The following CALN1 variants were observed in gnomAD, a reference collection of about 807,000 sequenced individuals.
The protein encoded by CALN1 is calcium-binding protein 8.
Under a neutral mutation model 30.6 loss-of-function variants are expected in CALN1, and 17 were observed. The observed-to-expected ratio is 0.56, with a 90% CI of 0.38 to 0.83. CALN1 has a LOEUF of 0.83. Ranked by LOEUF, CALN1 falls within the 40% of genes least tolerant of loss-of-function variation. CALN1 has a pLI of 0.00. For missense variants in CALN1, 291 were observed against 354.9 expected (o/e 0.82, Z 1.45); for synonymous variants, 156 against 131.4 (o/e 1.19, Z -1.28).
chr7:72,168,805 AT>A (rs3030351), intron 3 of CALN1, among the ~76,000 whole-genome samples: 186 of 128,476 alleles, frequency 1.4e-3, no homozygotes, highest in Middle Eastern at 4.3e-3. Context: ...TATTATTATT[AT>A]TTTTTTTTTT....
Position 71,811,175 on chromosome 7 carries a change from G to T in CALN1, c.502-683C>A, listed in dbSNP as rs369763135. On this transcript the variant is annotated intron_variant, in intron 5 of 6. Transcript: ENST00000395275. ...GCCTCCCAAAGTGCTAGGATTACAG[G>T]CCTGAGCCACCACGCCCGGCCTAAT... Among the ~76,000 whole-genome samples the T allele has an allele frequency of 2.6e-5, 4 of 151,948 alleles. No homozygotes were observed. In the East Asian group the frequency reaches 5.8e-4, roughly 22 times the overall value.
chr7:71,904,013 C>T (rs1793998521), intron 5 of CALN1, among the ~76,000 whole-genome samples: 1 of 152,152 alleles, frequency 6.6e-6, no homozygotes, highest in African/African-American at 2.4e-5. Flanking sequence ...CATCTCACCC[C>T]AGTTAGAATG....
chr7:72,011,818 GGTT>G (rs1463415084), intron 5 of CALN1, among the ~76,000 whole-genome samples: 1 of 151,974 alleles, frequency 6.6e-6, no homozygotes, highest in Non-Finnish European at 1.5e-5. Context: ...CTAATTTTTA[GGTT>G]TTTTTTGTAG....
the CALN1 span, among the ~76,000 whole-genome samples, chr7:72,472,814 G>A: frequency 1.3e-5 from 2 of 152,110 alleles, no homozygotes; most frequent in African/African-American, 4.8e-5. Context: ...GTGTCACTCA[G>A]CCCAAACACC....
chr7:72,345,302 A>T (rs1562909302), intron 2 of CALN1, among the ~76,000 whole-genome samples: 1 of 140,988 alleles, frequency 7.1e-6, no homozygotes, highest in Non-Finnish European at 1.5e-5. Flanking sequence ...TGAATGGTTT[A>T]AAAAAAAAAA....
chr7:72,347,249 C>CT lies in CALN1; in HGVS notation c.119+56001dup, dbSNP rs58814221. Reference sequence around the variant, plus strand: ...ACAATTTTTTTTCTTTTTTTTTTTCCTTTTTTCTTTTTTTTGAGACGGAGT... The same window carrying CT: ...ACAATTTTTTTTCTTTTTTTTTTTCCTTTTTTTCTTTTTTTTGAGACGGAGT... On this transcript the variant is annotated intron_variant, in intron 2 of 6. Coordinates refer to ENST00000395275, the MANE Select transcript of CALN1 (RefSeq NM_031468.4). Among the ~76,000 whole-genome samples, 1,416 of 149,808 alleles carry CT rather than the reference C, an allele frequency of 9.5e-3. 20 individuals carry two copies. Among genetic ancestry groups the CT allele is most frequent in the African/African-American group, 0.031 (1,267 of 40,570 alleles).
intron 2 of CALN1, among the ~76,000 whole-genome samples, chr7:72,349,256 AAGAG>A (rs957454488): frequency 3.3e-5 from 5 of 151,106 alleles, no homozygotes; most frequent in Admixed American, 2.0e-4. Flanking sequence ...GCGAGAGAAA[AAGAG>A]AGAGACTGTA....
At chr7:72,462,390 G>T in the CALN1 span, among the ~76,000 whole-genome samples, 7 of 152,178 alleles carry the variant, frequency 4.6e-5, no homozygotes, top group East Asian at 1.4e-3. Flanking sequence ...TCACCATGTT[G>T]CCCAGGCTGG....
At chr7:72,103,899 C>T (rs1201925411) in intron 4 of CALN1, among the ~76,000 whole-genome samples, 1 of 152,062 alleles carries the variant, frequency 6.6e-6, no homozygotes, top group Non-Finnish European at 1.5e-5. Flanking sequence ...TTATCGTGTC[C>T]TTGGGATAGA....
At chr7:72,201,084 C>T (rs116756795) in intron 3 of CALN1, among the ~76,000 whole-genome samples, 1,543 of 152,294 alleles carry the variant, frequency 0.01, 24 homozygotes, top group African/African-American at 0.035. Flanking sequence ...CCATGACATA[C>T]TATGCAGCTG....
At chr7:72,399,396 G>A (rs926931437) in intron 2 of CALN1, among the ~76,000 whole-genome samples, 3 of 147,392 alleles carry the variant, frequency 2.0e-5, no homozygotes, top group Admixed American at 7.0e-5. Flanking sequence ...TCAGCCTCCC[G>A]AGTAGCTGGG....
At chr7:72,092,033 T>C (rs1002676425) in intron 4 of CALN1, among the ~76,000 whole-genome samples, 2 of 152,228 alleles carry the variant, frequency 1.3e-5, no homozygotes, top group Non-Finnish European at 2.9e-5. Context: ...AGTGCATTAA[T>C]ATGAAACTGT....
At chr7:72,002,449 AG>A (rs1799572764) in intron 5 of CALN1, among the ~76,000 whole-genome samples, 3 of 152,210 alleles carry the variant, frequency 2.0e-5, no homozygotes, top group Non-Finnish European at 2.9e-5. Flanking sequence ...ATTGAAGTAC[AG>A]TTTCTAGTGA....
intron 3 of CALN1, among the ~76,000 whole-genome samples, chr7:72,156,316 G>A (rs928916874): frequency 6.6e-6 from 1 of 152,166 alleles, no homozygotes; most frequent in African/African-American, 2.4e-5. Flanking sequence ...GCTTGGATAG[G>A]ACAGGACCAG....
intron 3 of CALN1, among the ~76,000 whole-genome samples, chr7:72,190,120 C>A (rs1185614819): frequency 1.3e-5 from 2 of 152,112 alleles, no homozygotes; most frequent in African/African-American, 2.4e-5. Context: ...TTTTGGGAGG[C>A]CGAGGTGGGC....
At chr7:72,008,478 A>G (rs866921574) in intron 5 of CALN1, among the ~76,000 whole-genome samples, 10 of 152,090 alleles carry the variant, frequency 6.6e-5, no homozygotes, top group African/African-American at 2.2e-4. Context: ...ATGATAATAA[A>G]TGATCAGAAC....
intron 2 of CALN1, among the ~76,000 whole-genome samples, chr7:72,352,154 G>T (rs145975675): frequency 6.6e-6 from 1 of 150,640 alleles, no homozygotes; most frequent in South Asian, 2.1e-4. Context: ...GTGACACAGC[G>T]AGACTCCGTC....
At chr7:72,199,075 G>A (rs1791235856) in intron 3 of CALN1, among the ~76,000 whole-genome samples, 1 of 152,192 alleles carries the variant, frequency 6.6e-6, no homozygotes, top group Non-Finnish European at 1.5e-5. Context: ...AGCAGTTCGA[G>A]ATCAGCTTGG....
chr7:72,188,412 G>A (rs183334732), intron 3 of CALN1, among the ~76,000 whole-genome samples: 2 of 152,252 alleles, frequency 1.3e-5, no homozygotes, highest in Admixed American at 1.3e-4. Context: ...CAACATGGAT[G>A]GAATTGGAGA....
Sources: allele counts gnomAD v4.1 joint callset (sites outside exome capture counted in the v4.1 genomes callset), GRCh38; gene constraint gnomAD v4.1.1; transcripts MANE v1.5; gene names NCBI Gene and HGNC (gene_info 2026-07-23, HGNC 2026-07-21).